Variants in ZNF534 observed in about 807,000 individuals in gnomAD.
ZNF534 encodes KRAB domain only 3.
ZNF534 carries 19 observed loss-of-function variants against 13.6 expected under a neutral mutation model. The observed-to-expected ratio is 1.40, with a 90% CI of 0.97 to 2.05. The LOEUF (loss-of-function observed/expected upper bound fraction) is 2.05. Ranked by LOEUF, ZNF534 falls within the 30% of genes most tolerant of loss-of-function variation. The pLI, the probability that ZNF534 is intolerant of heterozygous loss-of-function variation, is 0.00. For synonymous variants in ZNF534, 244 were observed against 273.8 expected (o/e 0.89, Z 1.07); for missense variants, 782 against 796.3 (o/e 0.98, Z 0.22).
At position 52,439,389 on chromosome 19, in the gene ZNF534, T is replaced by C; in HGVS notation, c.1929T>C (p.Phe643=). Residue 643 remains phenylalanine (F), a synonymous_variant, in exon 5 of 5, where the codon TTT becomes TTC. Coordinates refer to ENST00000433050, the MANE Select transcript of ZNF534 (RefSeq NM_001143938.3). ...PYSCNECGKV[F]SKNSILVQHC... is the part of the protein sequence containing the mutation. ...GTTGTAATGAATGTGGCAAGGTCTTTAGTAAAAATTCCATCCTAGTACAAC... is the reference window on the plus strand; with the variant it reads ...GTTGTAATGAATGTGGCAAGGTCTTCAGTAAAAATTCCATCCTAGTACAAC... The C allele has an allele frequency of 6.5e-7, 1 of 1,550,188 alleles. No homozygotes were observed. Among genetic ancestry groups the C allele is most frequent in the Non-Finnish European group, 8.7e-7 (1 of 1,146,098 alleles).
chr19:52,439,094 C>G lies in ZNF534; in HGVS notation c.1634C>G (p.Thr545Ser). The G allele has an allele frequency of 1.3e-6, 2 of 1,594,418 alleles. No individual in the cohort carries two copies. The highest frequency in any genetic ancestry group is 1.7e-6 in the Non-Finnish European group (2 of 1,169,922). Residue 545 changes from threonine (T) to serine (S), a missense_variant, in exon 5 of 5, where the codon ACT becomes AGT. By Grantham distance (58) the Thr-to-Ser change is moderately conservative (BLOSUM62 1). This residue lies in a region of ZNF534 where 591 missense variants were observed against 574.0 expected (regional missense o/e 1.03). Coordinates refer to ENST00000433050, the MANE Select transcript of ZNF534 (RefSeq NM_001143938.3). ...SHLVRHRNVH[T>S]GEKPYSCNEC... is the part of the protein sequence containing the mutation. ...CTTGTGCGACATAGGAATGTTCATACTGGAGAAAAGCCTTACAGTTGTAAT... is the reference window on the plus strand; with the variant it reads ...CTTGTGCGACATAGGAATGTTCATAGTGGAGAAAAGCCTTACAGTTGTAAT...
Position 52,438,181 on chromosome 19 carries a change from C to G in ZNF534, c.721C>G (p.Pro241Ala). 1 of 1,613,436 alleles carries G rather than the reference C, an allele frequency of 6.2e-7. No homozygotes were observed. Among genetic ancestry groups the G allele is most frequent in the Non-Finnish European group, 8.5e-7 (1 of 1,179,812 alleles). Residue 241 changes from proline to alanine, a missense_variant, in exon 5 of 5, where the codon CCT (proline) becomes GCT (alanine). Coordinates refer to ENST00000433050, the MANE Select transcript of ZNF534 (RefSeq NM_001143938.3). ...TCAACGAATCCATACTGGAGAGAAG[C>G]CTTACAAATATAATGAATGTGGCAA... is the stretch of plus-strand genomic sequence containing the variant. ...QHQRIHTGEK[P>A]YKYNECGKVF...
At chr19:52,450,046 T>A (rs547560089) in intron 4 of ZNF534, among the ~76,000 whole-genome samples, 2 of 152,190 alleles carry the variant, frequency 1.3e-5, no homozygotes, top group Non-Finnish European at 2.9e-5. Flanking sequence ...ATCGTGATGT[T>A]TGAGTTTCTT....
chr19:52,445,547 T>C (rs2059191496), downstream of ZNF534, among the ~76,000 whole-genome samples: 1 of 152,150 alleles, frequency 6.6e-6, no homozygotes, highest in African/African-American at 2.4e-5. Flanking sequence ...TCTTCTCCCA[T>C]GATCTAGACC....
intron 3 of ZNF534, 140 bp downstream of exon 3, chr19:52,434,221 C>T (rs1009927515): frequency 7.3e-5 from 96 of 1,308,960 alleles, no homozygotes; most frequent in Non-Finnish European, 8.8e-5. Context: ...GCAGGCCAGG[C>T]GCAGTGGCTC....
At chr19:52,437,230 T>C (rs2561000) in intron 4 of ZNF534, among the ~76,000 whole-genome samples, 142,670 of 152,268 alleles carry the variant, frequency 0.94, 67,088 homozygotes, top group Non-Finnish European at 0.97. Context: ...CTCTCAAGCT[T>C]TCCCTTAATT....
At chr19:52,442,875 G>A (rs1201863869), downstream of ZNF534, among the ~76,000 whole-genome samples, 2 of 152,208 alleles carry the variant, frequency 1.3e-5, no homozygotes, top group Non-Finnish European at 2.9e-5. Context: ...AACATAAAAT[G>A]ATGACTGCTT....
At position 52,431,420 on chromosome 19, in the gene ZNF534, A is replaced by G; in HGVS notation, c.-55A>G. 1 of 1,612,094 alleles carries G rather than the reference A, an allele frequency of 6.2e-7. No homozygotes were observed. Among genetic ancestry groups the G allele is most frequent in the Non-Finnish European group, 8.5e-7 (1 of 1,178,302 alleles). On this transcript the variant is annotated 5_prime_UTR_variant, in exon 2 of 5. Transcript: ENST00000433050. ...TTTTTGATACTAGGATTCACTTTCA[A>G]AGAGACATATTATGCAAGGAAGCAA...
intron 3 of ZNF534, 43 bp from the exon 4 acceptor site, chr19:52,435,038 G>A: frequency 6.3e-7 from 1 of 1,592,296 alleles, no homozygotes; most frequent in Non-Finnish European, 8.5e-7. Context: ...CTTGGACTTT[G>A]GAGATGCCAC....
intron 4 of ZNF534, among the ~76,000 whole-genome samples, chr19:52,449,483 T>G (rs2059205545): frequency 6.6e-6 from 1 of 152,186 alleles, no homozygotes; most frequent in Non-Finnish European, 1.5e-5. Context: ...TAATTTGCAT[T>G]CTCACCAACC....
Position 52,431,816 on chromosome 19 carries a change from G to T in ZNF534, c.15+327G>T, listed in dbSNP as rs527939527. ...GGCCACATCTGGATGCACTGTGAGT[G>T]TTCTGTGGACTAAGACTAGAGAAGC... On this transcript the variant is annotated intron_variant, in intron 2 of 4. Coordinates refer to ENST00000433050, the MANE Select transcript of ZNF534 (RefSeq NM_001143938.3). Among the ~76,000 whole-genome samples, 54 of 151,454 alleles carry T rather than the reference G, an allele frequency of 3.6e-4. No homozygotes were observed. The South Asian group carries it at 0.011, about 32-fold the overall frequency.
chr19:52,434,464 C>CAAAAAAAAAAAA (rs528136970), intron 3 of ZNF534, among the ~76,000 whole-genome samples: 1 of 63,108 alleles, frequency 1.6e-5, no homozygotes, highest in Admixed American at 2.0e-4. Flanking sequence ...GACTCCGTCT[C>CAAAAAAAAAAAA]AAAAAAAAAA....
intron 2 of ZNF534, 130 bp from the exon 3 acceptor site, chr19:52,433,825 A>G (rs1251365491): frequency 1.0e-6 from 1 of 1,003,280 alleles, no homozygotes; most frequent in East Asian, 2.5e-5. Flanking sequence ...AACTAGCTCA[A>G]GAATCCTTTA....
chr19:52,433,826 G>T, intron 2 of ZNF534, 129 bp from the exon 3 acceptor site: 1 of 1,010,478 alleles, frequency 9.9e-7, no homozygotes, highest in Non-Finnish European at 1.5e-6. Flanking sequence ...ACTAGCTCAA[G>T]AATCCTTTAA....
exon 5 of ZNF534, chr19:52,451,345 C>T (rs1384387622): frequency 8.6e-6 from 9 of 1,047,162 alleles, no homozygotes; most frequent in Non-Finnish European, 1.3e-5. Flanking sequence ...TTCTGCTTCG[C>T]TTGGCGATGC....
chr19:52,433,826 G>A (rs910888613), intron 2 of ZNF534, 129 bp from the exon 3 acceptor site: 3 of 1,010,480 alleles, frequency 3.0e-6, no homozygotes, highest in Non-Finnish European at 4.6e-6. Context: ...ACTAGCTCAA[G>A]AATCCTTTAA....
rs1450068982 is a variant in ZNF534, at chr19:52,450,692, T to G, written c.272-495T>G. Among the ~76,000 whole-genome samples, 134 of 23,452 alleles carry G rather than the reference T, an allele frequency of 5.7e-3. 5 individuals carry two copies. Among genetic ancestry groups the G allele is most frequent in the African/African-American group, 0.017 (130 of 7,542 alleles). 15.4% of individuals were successfully genotyped at this position (23,452 alleles called of 152,430 possible). On this transcript the variant is annotated intron_variant, in intron 4 of 4. Transcript: ENST00000301085. Reference sequence around the variant, plus strand: ...GGAGTTTTTTTTTTTTTTGTTTTTGTTTTTGTTTTTTTTTTTTAGACAAGG... The same window carrying G: ...GGAGTTTTTTTTTTTTTTGTTTTTGGTTTTGTTTTTTTTTTTTAGACAAGG...
chr19:52,433,599 C>T (rs1276542806), intron 2 of ZNF534, among the ~76,000 whole-genome samples: 2 of 152,182 alleles, frequency 1.3e-5, no homozygotes, highest in African/African-American at 2.4e-5. Context: ...ATCTCCTGAC[C>T]TCGTGATCCG....
At chr19:52,447,481 G>C (rs1024413065), downstream of ZNF534, among the ~76,000 whole-genome samples, 1 of 151,964 alleles carries the variant, frequency 6.6e-6, no homozygotes, top group Non-Finnish European at 1.5e-5. Context: ...TTTTCTTTTT[G>C]TTTTAACACT....
Sources: gnomAD v4.1 joint callset for allele counts (sites outside exome capture counted in the v4.1 genomes callset) on GRCh38, gnomAD v4.1.1 for gene constraint, gnomAD v4.1.1 regional missense constraint, MANE v1.5 for transcripts, NCBI Gene and HGNC (gene_info 2026-07-23, HGNC 2026-07-21) for gene names.